The following RELB variants were observed in gnomAD, a reference collection of about 807,000 sequenced individuals.
The protein encoded by RELB is transcription factor RelB.
RELB carries 14 observed loss-of-function variants against 55.4 expected under a neutral mutation model. The observed-to-expected ratio is 0.25, with a 90% confidence interval of 0.17 to 0.40. The LOEUF is 0.40. RELB is among the 10% of genes least tolerant of loss of function. The pLI, the probability that RELB is intolerant of heterozygous loss-of-function variation, is 1.00. For missense variants in RELB, 669 were observed against 830.7 expected (o/e 0.81, Z 2.39); for synonymous variants, 409 against 371.3 (o/e 1.10, Z -1.17).
At chr19:45,028,796 G>T (rs749265072) in intron 7 of RELB, 92 bp from the exon 8 acceptor site, 1 of 981,144 alleles carries the variant, frequency 1.0e-6, no homozygotes, top group Non-Finnish European at 1.6e-6. Context: ...CCAGGGCCCC[G>T]GGGATGGCAC....
intron 8 of RELB, among the ~76,000 whole-genome samples, chr19:45,029,378 T>G (rs576413957): frequency 5.1e-4 from 77 of 152,224 alleles, no homozygotes; most frequent in Non-Finnish European, 8.7e-4. Context: ...CTCCACTTCA[T>G]TCATCTCTGT....
Position 45,022,103 on chromosome 19 carries a change from G to A in RELB, c.555G>A (p.Val185=), listed in dbSNP as rs971144390. The change falls in exon 5 of 12, where the codon GTG becomes GTA. Residue 185 remains valine (V), a synonymous_variant. Coordinates refer to ENST00000221452, the MANE Select transcript of RELB (RefSeq NM_006509.4). ...LREVEVTACL[V]WKDWPHRVHP... ...AGGTGGAGGTGACTGCCTGCCTGGT[G>A]TGGAAGGACTGGCCTCACCGAGTCC... 3.1e-6 allele frequency: 5 copies of A among 1,613,556 alleles called. No homozygotes were observed. Among genetic ancestry groups the A allele is most frequent in the Non-Finnish European group, 3.4e-6 (4 of 1,179,798 alleles).
In RELB at chr19:45,012,252, C is replaced by T; in HGVS notation, c.480C>T (p.Ala160=). ...GSILGESSTE[A]SKTLPAIELR... ...TCCTTGGGGAGAGCAGCACCGAGGCCAGCAAGACGCTGCCCGCCATCGAGG... is the reference window on the plus strand; with the variant it reads ...TCCTTGGGGAGAGCAGCACCGAGGCTAGCAAGACGCTGCCCGCCATCGAGG... Residue 160 remains alanine (A), a synonymous_variant, in exon 4 of 12, where the codon GCC becomes GCT. Transcript: ENST00000221452. The T allele has an allele frequency of 7.0e-7, 1 of 1,430,008 alleles. No individual in the cohort carries two copies. Among genetic ancestry groups the T allele is most frequent in the Non-Finnish European group, 9.1e-7 (1 of 1,100,922 alleles). The allele number at this position is 1,430,008 out of a possible 1,614,324, so 88.6% of individuals were successfully genotyped here. A position where few individuals can be genotyped will look rare whatever the true frequency, so the allele number is the denominator to read the frequency against.
At chr19:45,006,038 A>T (rs887312162) in intron 2 of RELB, among the ~76,000 whole-genome samples, 1 of 152,252 alleles carries the variant, frequency 6.6e-6, no homozygotes, top group African/African-American at 2.4e-5. Flanking sequence ...TGCTGAGGAC[A>T]GGCCTGGCCC....
intron 9 of RELB, 25 bp from the exon 10 acceptor site, chr19:45,034,219 T>G (rs1017216802): frequency 7.0e-6 from 11 of 1,561,234 alleles, no homozygotes; most frequent in African/African-American, 1.4e-5. Flanking sequence ...TTACTTCTTG[T>G]GTGTCCCTGG....
intron 4 of RELB, among the ~76,000 whole-genome samples, chr19:45,013,698 G>T (rs1428518355): frequency 6.6e-6 from 1 of 151,856 alleles, no homozygotes; most frequent in Non-Finnish European, 1.5e-5. Flanking sequence ...GCGGCGTGGT[G>T]GTGCATGCCT....
intron 5 of RELB, among the ~76,000 whole-genome samples, chr19:45,023,498 C>T (rs757785753): frequency 2.6e-5 from 4 of 151,620 alleles, no homozygotes; most frequent in Admixed American, 6.6e-5. Context: ...AATGCAGTGG[C>T]GCGATCTCGG....
chr19:45,016,003 A>T (rs890264911), intron 4 of RELB, among the ~76,000 whole-genome samples: 7 of 149,880 alleles, frequency 4.7e-5, no homozygotes, highest in South Asian at 4.3e-4. Flanking sequence ...TTATTTTATT[A>T]TTATTTTTTT....
chr19:45,037,905 T>A lies in RELB; in HGVS notation c.*115T>A. 1 of 1,094,160 alleles carries A rather than the reference T, an allele frequency of 9.1e-7. No homozygotes were observed. The highest frequency in any genetic ancestry group is 1.2e-6 in the Non-Finnish European group (1 of 811,612). The allele number at this position is 1,094,160 out of a possible 1,614,324, so 67.8% of individuals were successfully genotyped here. ...TTGGCCCTTCCTCATGCTTCTGAAGTGGACATATTCAGCCTTGGCGAGAAG... is the reference window on the plus strand; with the variant it reads ...TTGGCCCTTCCTCATGCTTCTGAAGAGGACATATTCAGCCTTGGCGAGAAG... On this transcript the variant is annotated 3_prime_UTR_variant, in exon 12 of 12. Coordinates refer to ENST00000221452, the MANE Select transcript of RELB (RefSeq NM_006509.4).
chr19:45,031,615 C>G (rs957364421), intron 8 of RELB, among the ~76,000 whole-genome samples: 2 of 151,760 alleles, frequency 1.3e-5, no homozygotes, highest in Admixed American at 6.6e-5. Context: ...TTGCTCTGTC[C>G]CCCAGGCTGG....
intron 5 of RELB, among the ~76,000 whole-genome samples, chr19:45,024,740 G>A (rs1431857980): frequency 6.6e-6 from 1 of 151,764 alleles, no homozygotes; most frequent in African/African-American, 2.4e-5. Context: ...AGTAGAGACA[G>A]GGCTTCACCA....
intron 4 of RELB, among the ~76,000 whole-genome samples, chr19:45,021,301 A>T (rs187818487): frequency 2.6e-5 from 4 of 151,602 alleles, no homozygotes; most frequent in Admixed American, 1.3e-4. Flanking sequence ...GTGAAACCCC[A>T]TCTCTACTAA....
chr19:45,030,574 G>T (rs182716531), intron 8 of RELB, among the ~76,000 whole-genome samples: 18 of 152,290 alleles, frequency 1.2e-4, no homozygotes, highest in African/African-American at 4.3e-4. Flanking sequence ...AGAGGTTGCA[G>T]TGAGCCGAGA....
At chr19:45,037,380 A>C (rs768868789) in intron 11 of RELB, 25 bp from the exon 12 acceptor site, 2 of 1,522,826 alleles carry the variant, frequency 1.3e-6, no homozygotes, top group Non-Finnish European at 1.7e-6. Context: ...ATCACACTAC[A>C]CTTCTCTTGT....
rs1336314848 is a variant in RELB at position 45,022,028 on chromosome 19, C to G, written c.505-25C>G. 3.8e-6 allele frequency: 6 copies of G among 1,591,854 alleles called. No homozygotes were observed. The Admixed American group carries it at 1.0e-4, about 27-fold the overall frequency. ...GACGCAGGCATCGGTGATGGGACCC[C>G]CAAAGAGGACTTCTCTTCCTGCAGC... is the stretch of plus-strand genomic sequence containing the variant. On this transcript the variant is annotated intron_variant, in intron 4 of 11. Transcript: ENST00000221452.
intron 9 of RELB, among the ~76,000 whole-genome samples, chr19:45,033,405 C>T (rs946641721): frequency 6.6e-6 from 1 of 152,044 alleles, no homozygotes; most frequent in Non-Finnish European, 1.5e-5. Context: ...AGTGTGTAGG[C>T]CGGGCGCAGT....
intron 2 of RELB, among the ~76,000 whole-genome samples, chr19:45,003,969 G>T (rs1971251352): frequency 8.3e-6 from 1 of 120,268 alleles, no homozygotes. Context: ...TGTCACCCAG[G>T]CTGGAGTACA....
At chr19:45,023,430 T>TTCCTTCCTTCCG (rs1238568053) in intron 5 of RELB, among the ~76,000 whole-genome samples, 2 of 151,108 alleles carry the variant, frequency 1.3e-5, no homozygotes, top group Non-Finnish European at 3.0e-5. Context: ...CCTTCCTTCC[T>TTCCTTCCTTCCG]TCCGTCCTTC....
At position 45,034,478 on chromosome 19, in the gene RELB, G is replaced by A. The variant is rs757926411; in HGVS notation, c.1304G>A (p.Arg435Gln). The A allele has an allele frequency of 6.2e-6, 10 of 1,610,936 alleles. No individual in the cohort carries two copies. The highest frequency in any genetic ancestry group is 1.1e-5 in the South Asian group (1 of 90,536). ...SDPHGIESKR[R>Q]KKKPAILDHF... ...CCCCATGGCATCGAGAGCAAACGGC[G>A]GAAGAAAAAGCCGGCCATCCTGGAC... Residue 435 changes from arginine to glutamine, a missense_variant, in exon 11 of 12, where the codon CGG (arginine) becomes CAG (glutamine). Around this residue, in one of 3 missense-constraint regions of RELB, gnomAD observed 341 missense variants for 436.8 expected, o/e 0.78. Coordinates refer to ENST00000221452, the MANE Select transcript of RELB (RefSeq NM_006509.4).
Sources: gnomAD v4.1 joint callset for allele counts (sites outside exome capture counted in the v4.1 genomes callset) on GRCh38, gnomAD v4.1.1 for gene constraint, gnomAD v4.1.1 regional missense constraint, MANE v1.5 for transcripts, NCBI Gene and HGNC (gene_info 2026-07-23, HGNC 2026-07-21) for gene names.